The following STOX2 variants were observed in gnomAD, a reference collection of about 807,000 sequenced individuals.
The protein encoded by STOX2 is storkhead-box protein 2.
STOX2 carries 28 observed loss-of-function variants against 60.9 expected under a neutral mutation model. The observed-to-expected ratio is 0.46, with a 90% CI of 0.34 to 0.63. STOX2 has a LOEUF of 0.63. STOX2 is among the 30% of genes least tolerant of loss of function. STOX2 has a pLI of 0.01. For synonymous variants in STOX2, 472 were observed against 463.9 expected (o/e 1.02, Z -0.22); for missense variants, 1,024 against 1,187.7 (o/e 0.86, Z 2.03).
intron 2 of STOX2, among the ~76,000 whole-genome samples, chr4:184,002,784 C>T (rs1488457975): frequency 1.3e-5 from 2 of 152,242 alleles, no homozygotes; most frequent in Non-Finnish European, 2.9e-5. Flanking sequence ...GAATTCTAAG[C>T]TAAGGAGAGA....
intron 1 of STOX2, among the ~76,000 whole-genome samples, chr4:183,910,199 G>A (rs189600819): frequency 1.1e-3 from 164 of 152,282 alleles, no homozygotes; most frequent in African/African-American, 3.2e-3. Context: ...AGTGCATGGC[G>A]TTATCTTAAG....
At chr4:183,833,990 A>G in intron 1 of STOX2, among the ~76,000 whole-genome samples, 1 of 151,626 alleles carries the variant, frequency 6.6e-6, no homozygotes, top group Non-Finnish European at 1.5e-5. Context: ...TCAAAAAAAA[A>G]AAAAAAAAAA....
chr4:184,001,987 C>T lies in STOX2; in HGVS notation c.319+510C>T, dbSNP rs1173171491. 6.6e-6 allele frequency among the ~76,000 whole-genome samples: 1 copy of T among 152,130 alleles called. No homozygotes were observed. The highest frequency in any genetic ancestry group is 6.5e-5 in the Admixed American group (1 of 15,286). ...CTTAAATGTTATAAAAAGGAGGCAA[C>T]AGCCCAGCTGCTGTGTGAGAGGCAT... On this transcript the variant is annotated intron_variant, in intron 2 of 3. Transcript: ENST00000308497. This position sits in a 1 kb window ranked among gnomAD's most constrained non-coding sequence, Gnocchi z 4.2.
chr4:183,989,197 T>TTTTTTTTTTTTTTTTTTTG (rs1553985299), intron 1 of STOX2, among the ~76,000 whole-genome samples: 1 of 85,304 alleles, frequency 1.2e-5, no homozygotes. Context: ...TTTTTTTGTT[T>TTTTTTTTTTTTTTTTTTTG]GTTTGGTTTG....
intron 2 of STOX2, among the ~76,000 whole-genome samples, chr4:184,002,476 A>G (rs1353273790): frequency 1.3e-5 from 2 of 152,266 alleles, no homozygotes; most frequent in Non-Finnish European, 2.9e-5. Flanking sequence ...GCCTACGGCA[A>G]CAAGAGTTGA....
At chr4:183,957,803 A>G (rs1394544224) in intron 1 of STOX2, among the ~76,000 whole-genome samples, 1 of 152,164 alleles carries the variant, frequency 6.6e-6, no homozygotes, top group East Asian at 1.9e-4. Context: ...TTCAGGGCGG[A>G]TGGTAGAATG....
chr4:183,881,076 A>G (rs1221918257), intron 1 of STOX2, among the ~76,000 whole-genome samples: 4 of 152,140 alleles, frequency 2.6e-5, no homozygotes, highest in African/African-American at 9.7e-5. Flanking sequence ...GCCTTCAATG[A>G]GACTGAAGTA....
chr4:183,846,619 G>C (rs7671967), intron 1 of STOX2, among the ~76,000 whole-genome samples: 90,441 of 151,840 alleles, frequency 0.6, 27,767 homozygotes, highest in East Asian at 0.93. Context: ...TAATTTCTGC[G>C]TGTTTATTGA....
chr4:183,818,104 T>C (rs1233237417), intron 1 of STOX2, among the ~76,000 whole-genome samples: 3 of 125,070 alleles, frequency 2.4e-5, no homozygotes, highest in Admixed American at 2.2e-4. Context: ...TTTAGTATAA[T>C]TTTTTTTTTT....
At chr4:183,985,109 A>G (rs1732791811) in intron 1 of STOX2, among the ~76,000 whole-genome samples, 1 of 152,150 alleles carries the variant, frequency 6.6e-6, no homozygotes, top group Non-Finnish European at 1.5e-5. Flanking sequence ...GTTAGGGGTC[A>G]TAGACCCCAG....
chr4:183,985,945 A>G (rs1732821544), intron 1 of STOX2, among the ~76,000 whole-genome samples: 1 of 152,172 alleles, frequency 6.6e-6, no homozygotes, highest in East Asian at 1.9e-4. Flanking sequence ...GGGTGGATTT[A>G]TATCCAACAA....
chr4:183,842,428 T>C (rs1367192931), intron 1 of STOX2, among the ~76,000 whole-genome samples: 1 of 152,220 alleles, frequency 6.6e-6, no homozygotes, highest in Non-Finnish European at 1.5e-5. Flanking sequence ...TCATTAGTTA[T>C]AAAAATAAAT....
intron 1 of STOX2, among the ~76,000 whole-genome samples, chr4:183,982,767 A>G (rs1239806950): frequency 6.6e-6 from 1 of 152,206 alleles, no homozygotes; most frequent in Non-Finnish European, 1.5e-5. Context: ...TACTTTTGTG[A>G]AACAGAAAAG....
At chr4:183,960,769 C>G (rs1743389070) in intron 1 of STOX2, among the ~76,000 whole-genome samples, 1 of 152,034 alleles carries the variant, frequency 6.6e-6, no homozygotes, top group South Asian at 2.1e-4. Flanking sequence ...TTTTTAGATT[C>G]CTTGAAATTG....
chr4:184,013,775 C>T (rs547742580), intron 3 of STOX2, among the ~76,000 whole-genome samples: 8 of 152,234 alleles, frequency 5.3e-5, no homozygotes, highest in African/African-American at 1.4e-4. Flanking sequence ...ACCATTGCTG[C>T]GAGACATGGG....
At chr4:183,872,928 G>C (rs1740727769) in intron 1 of STOX2, among the ~76,000 whole-genome samples, 1 of 152,072 alleles carries the variant, frequency 6.6e-6, no homozygotes, top group South Asian at 2.1e-4. Flanking sequence ...AACCATGAAG[G>C]CCATGGAATC....
rs751443946 is a variant in STOX2, at chr4:184,009,142, T to TG, written c.320-16_320-15insG. Reference sequence around the variant, plus strand: ...GTCTTCATTCTCACAAGTGGTTTTTTTTTTTTTTTTTTCAGGTGTTCCAAC... The same window carrying TG: ...GTCTTCATTCTCACAAGTGGTTTTTTGTTTTTTTTTTTTCAGGTGTTCCAAC... On this transcript the variant is annotated splice_polypyrimidine_tract_variant and intron_variant, in intron 2 of 3. Transcript: ENST00000308497. The surrounding 1 kb of genome is among the most constrained non-coding windows in gnomAD (Gnocchi z 4.0). 2.1e-6 allele frequency: 3 copies of TG among 1,408,346 alleles called. No individual in the cohort carries two copies. The highest frequency in any genetic ancestry group is 4.9e-5 in the East Asian group (2 of 40,834). 87.2% of individuals were successfully genotyped at this position (1,408,346 alleles called of 1,614,324 possible). A position where few individuals can be genotyped will look rare whatever the true frequency, so the allele number is the denominator to read the frequency against.
intron 1 of STOX2, among the ~76,000 whole-genome samples, chr4:183,831,403 A>C (rs1739564792): frequency 6.6e-6 from 1 of 152,154 alleles, no homozygotes. Flanking sequence ...CAGGAAACAG[A>C]TGGTTAGGCA....
intron 1 of STOX2, among the ~76,000 whole-genome samples, chr4:183,867,671 C>T (rs1303257174): frequency 1.3e-5 from 2 of 152,166 alleles, no homozygotes; most frequent in Non-Finnish European, 2.9e-5. Flanking sequence ...GGTATATTTC[C>T]CTTCCTAGCT....
Sources: allele counts gnomAD v4.1 joint callset (sites outside exome capture counted in the v4.1 genomes callset), GRCh38; gene constraint gnomAD v4.1.1; non-coding constraint Gnocchi (gnomAD v3.1); transcripts MANE v1.5; gene names NCBI Gene and HGNC (gene_info 2026-07-23, HGNC 2026-07-21).